Variants in MTUS1 observed in about 807,000 individuals in gnomAD.
The protein encoded by MTUS1 is microtubule associated scaffold protein 1.
MTUS1 carries 109 observed loss-of-function variants against 120.8 expected under a neutral mutation model. The observed-to-expected ratio is 0.90, with a 90% CI of 0.77 to 1.06. The LOEUF is 1.06. Ranked by LOEUF, MTUS1 falls within the 50% of genes least tolerant of loss-of-function variation. MTUS1 has a pLI of 0.00. For missense variants in MTUS1, 2,210 were observed against 1,486.3 expected (o/e 1.49, Z -8.01); for synonymous variants, 737 against 550.5 (o/e 1.34, Z -4.74).
intron 6 of MTUS1, among the ~76,000 whole-genome samples, chr8:17,701,399 C>T (rs1819051410): frequency 6.6e-6 from 1 of 152,158 alleles, no homozygotes; most frequent in African/African-American, 2.4e-5. Flanking sequence ...CAATCAACTT[C>T]CACCCACCTG....
At chr8:17,682,291 G>A (rs531440773) in intron 7 of MTUS1, among the ~76,000 whole-genome samples, 13 of 152,158 alleles carry the variant, frequency 8.5e-5, no homozygotes, top group South Asian at 2.1e-4. Context: ...CGAGGTGAGC[G>A]GATCACCTGA....
chr8:17,741,228 C>T (rs1203813427), intron 3 of MTUS1, among the ~76,000 whole-genome samples: 1 of 152,074 alleles, frequency 6.6e-6, no homozygotes, highest in Non-Finnish European at 1.5e-5. Flanking sequence ...ATTAGGATCC[C>T]ACTCTTATGA....
At chr8:17,682,386 C>G (rs547270748) in intron 7 of MTUS1, among the ~76,000 whole-genome samples, 24 of 152,008 alleles carry the variant, frequency 1.6e-4, no homozygotes, top group Non-Finnish European at 3.1e-4. Flanking sequence ...GGCATGGTGG[C>G]GGGTGCCTGT....
chr8:17,697,111 A>G (rs1818121909), intron 6 of MTUS1: 1 of 1,052,200 alleles, frequency 9.5e-7, no homozygotes, highest in Non-Finnish European at 1.3e-6. Context: ...AACAGAAAAC[A>G]ATTTTTAAAT....
chr8:17,718,255 A>G (rs1822709151), intron 4 of MTUS1, among the ~76,000 whole-genome samples: 1 of 152,156 alleles, frequency 6.6e-6, no homozygotes, highest in South Asian at 2.1e-4. Flanking sequence ...GATGCTATCT[A>G]AATTTTCCCT....
At chr8:17,784,039 T>C (rs1283012595) in intron 1 of MTUS1, among the ~76,000 whole-genome samples, 1 of 152,196 alleles carries the variant, frequency 6.6e-6, no homozygotes, top group Non-Finnish European at 1.5e-5. Context: ...CCCAAACGTT[T>C]TAAAAGCAAA....
At position 17,755,453 on chromosome 8, in the gene MTUS1, GTTGCAGA is replaced by G; in HGVS notation, c.348_354del (p.Leu117ThrfsTer6). On this transcript the variant is annotated frameshift_variant, in exon 2 of 15. Coordinates refer to ENST00000693296, the MANE Select transcript of MTUS1 (RefSeq NM_001363059.2). LOFTEE classifies it high-confidence loss of function. ...ACTGCTTCTAGGGAATGACAACTGTGTTGCAGATATTTGGGCTTCTCAGTACCTACAA... is the reference window on the plus strand; with the variant it reads ...ACTGCTTCTAGGGAATGACAACTGTGTATTTGGGCTTCTCAGTACCTACAA... The G allele has an allele frequency of 6.2e-7, 1 of 1,614,178 alleles. No homozygotes were observed. Among genetic ancestry groups the G allele is most frequent in the East Asian group, 2.2e-5 (1 of 44,880 alleles).
chr8:17,689,103 C>T (rs932431162), intron 6 of MTUS1, among the ~76,000 whole-genome samples: 14 of 152,032 alleles, frequency 9.2e-5, no homozygotes, highest in East Asian at 1.9e-4. Context: ...CCCAGCTACT[C>T]GGGAGGCTGA....
chr8:17,654,346 T>A, intron 10 of MTUS1: 1 of 567,858 alleles, frequency 1.8e-6, no homozygotes, highest in Non-Finnish European at 3.1e-6. Context: ...CCATCCTATT[T>A]AACACAAGGC....
At chr8:17,689,703 A>C (rs1816572557) in intron 6 of MTUS1, among the ~76,000 whole-genome samples, 2 of 152,190 alleles carry the variant, frequency 1.3e-5, no homozygotes, top group African/African-American at 4.8e-5. Context: ...AGATCAGTGG[A>C]AGAGAACAGA....
intron 2 of MTUS1, chr8:17,747,974 T>C (rs1355617277): frequency 6.6e-6 from 1 of 152,178 alleles, no homozygotes; most frequent in Non-Finnish European, 1.5e-5. Flanking sequence ...ATCACTATTA[T>C]GAGAACAGCA....
chr8:17,674,693 T>C (rs1383256246), intron 8 of MTUS1: 4 of 987,526 alleles, frequency 4.1e-6, no homozygotes, highest in Middle Eastern at 5.1e-4. Flanking sequence ...TCAGCCCCCC[T>C]CCAAATAGTA....
intron 5 of MTUS1, among the ~76,000 whole-genome samples, chr8:17,713,922 C>A (rs1467668925): frequency 6.6e-6 from 1 of 152,320 alleles, no homozygotes; most frequent in Admixed American, 6.5e-5. Flanking sequence ...CTGATTCCCA[C>A]ACAGGTAAAA....
chr8:17,777,310 C>T (rs778408983), intron 1 of MTUS1, among the ~76,000 whole-genome samples: 1 of 151,878 alleles, frequency 6.6e-6, no homozygotes, highest in African/African-American at 2.4e-5. Flanking sequence ...CATGGTGGCG[C>T]ACACCGGTAA....
chr8:17,666,090 CTTTTTTT>C (rs57062684), intron 8 of MTUS1, among the ~76,000 whole-genome samples: 27 of 111,088 alleles, frequency 2.4e-4, no homozygotes, highest in African/African-American at 6.2e-4. Context: ...AGAACAGATG[CTTTTTTT>C]TTTTTTTTTT....
Position 17,710,268 on chromosome 8 carries a change from C to T in MTUS1, c.2623+2946G>A, listed in dbSNP as rs944123687. Among the ~76,000 whole-genome samples the T allele has an allele frequency of 2.6e-5, 4 of 152,138 alleles. No homozygotes were observed. The East Asian group carries it at 7.7e-4, about 29-fold the overall frequency. On this transcript the variant is annotated intron_variant, in intron 6 of 14. Coordinates refer to ENST00000693296, the MANE Select transcript of MTUS1 (RefSeq NM_001363059.2). ...TGTAGCACGTGATGCTGTTTCATAG[C>T]ATTTTACCCACAGCAGAGAGTCTTT...
In MTUS1 at chr8:17,669,772, G is replaced by T. The variant is rs544652639; in HGVS notation, c.2905+5414C>A. On this transcript the variant is annotated intron_variant, in intron 8 of 14. Coordinates refer to ENST00000693296, the MANE Select transcript of MTUS1 (RefSeq NM_001363059.2). ...AGGCAGGACAGTCACATGAATCCAG[G>T]AGGTGGAGGTTGCAGTGACCCAAGA... Among the ~76,000 whole-genome samples the T allele has an allele frequency of 2.0e-3, 311 of 152,294 alleles. 2 individuals carry two copies. Among genetic ancestry groups the T allele is most frequent in the Non-Finnish European group, 2.4e-3 (166 of 68,022 alleles).
intron 1 of MTUS1, among the ~76,000 whole-genome samples, chr8:17,788,250 C>G (rs1056196766): frequency 3.9e-5 from 6 of 152,218 alleles, no homozygotes; most frequent in Non-Finnish European, 2.9e-5. Flanking sequence ...CATTTCATCA[C>G]ACTTAATGTT....
intron 7 of MTUS1, among the ~76,000 whole-genome samples, chr8:17,679,213 C>A (rs986072747): frequency 1.1e-3 from 32 of 29,606 alleles, no homozygotes; most frequent in African/African-American, 2.2e-3. Flanking sequence ...CACACACACA[C>A]AAATACCTAT....
Sources: gnomAD v4.1 joint callset for allele counts (sites outside exome capture counted in the v4.1 genomes callset) on GRCh38, gnomAD v4.1.1 for gene constraint, MANE v1.5 for transcripts, NCBI Gene and HGNC (gene_info 2026-07-23, HGNC 2026-07-21) for gene names.